The following CFHR3 variants were observed in gnomAD, a reference collection of about 807,000 sequenced individuals.
The protein encoded by CFHR3 is complement factor H related 3.
In CFHR3, 22 loss-of-function variants were observed where a neutral mutation model predicts 36.0. That is an observed-to-expected ratio of 0.61 (90% CI 0.44 to 0.87). The LOEUF (loss-of-function observed/expected upper bound fraction) is 0.87, where lower values mean the gene tolerates loss of function less well. Ranked by LOEUF, CFHR3 falls within the 40% of genes least tolerant of loss-of-function variation. CFHR3 has a pLI of 0.00. For missense variants in CFHR3, 276 were observed against 401.3 expected (o/e 0.69, Z 2.67); for synonymous variants, 97 against 137.4 (o/e 0.71, Z 2.06).
chr1:196,779,858 A>G lies in CFHR3; in HGVS notation c.315A>G (p.Val105=), dbSNP rs748890981. The change falls in exon 3 of 6, where the codon GTA becomes GTG. Residue 105 remains valine (V), a synonymous_variant. Transcript: ENST00000367425. The part of the protein sequence containing the change: ...GYNQNYGRKF[V]QGNSTEVACH... ...ATCAAAATTATGGAAGAAAGTTTGT[A>G]CAGGGTAACTCTACAGAAGTTGCCT... is the stretch of plus-strand genomic sequence containing the variant. 6.5e-7 allele frequency: 1 copy of G among 1,533,206 alleles called. No homozygotes were observed. The highest frequency in any genetic ancestry group is 1.2e-5 in the South Asian group (1 of 80,574). 95.0% of individuals were successfully genotyped at this position (1,533,206 alleles called of 1,614,324 possible).
Position 196,795,061 on chromosome 1 carries a change from C to T in CFHR3, c.*1548C>T, listed in dbSNP as rs1286582919. The T allele has an allele frequency of 7.3e-6, 1 of 136,524 alleles. No homozygotes were observed. The highest frequency in any genetic ancestry group is 1.5e-5 in the Non-Finnish European group (1 of 64,588). 8.5% of individuals were successfully genotyped at this position (136,524 alleles called of 1,614,324 possible). Reference sequence around the variant, plus strand: ...TTATTAATTCCAGTGACTAATTCTACTTCATCAACATACATCATAAATAAA... The same window carrying T: ...TTATTAATTCCAGTGACTAATTCTATTTCATCAACATACATCATAAATAAA... On this transcript the variant is annotated 3_prime_UTR_variant, in exon 6 of 6. Transcript: ENST00000367425.
At chr1:196,782,040 C>A (rs1437228703) in intron 3 of CFHR3, among the ~76,000 whole-genome samples, 1 of 137,326 alleles carries the variant, frequency 7.3e-6, no homozygotes, top group Non-Finnish European at 1.5e-5. Context: ...GTTTTCCCAG[C>A]AACATTTATT....
intron 1 of CFHR3, among the ~76,000 whole-genome samples, chr1:196,775,266 T>A (rs1653664987): frequency 7.3e-6 from 1 of 137,142 alleles, no homozygotes; most frequent in Non-Finnish European, 1.6e-5. Flanking sequence ...GATTCTAAGC[T>A]TAAAATGTTC....
rs563232569 is a variant in CFHR3, at chr1:196,784,013, C to T, written c.430+4040C>T. Among the ~76,000 whole-genome samples the T allele has an allele frequency of 3.7e-3, 505 of 136,182 alleles. 84 individuals carry two copies. The highest frequency in any genetic ancestry group is 6.0e-3 in the Non-Finnish European group (388 of 64,344). The allele number at this position is 136,182 out of a possible 152,430, so 89.3% of individuals were successfully genotyped here. A position where few individuals can be genotyped will look rare whatever the true frequency, so the allele number is the denominator to read the frequency against. ...TTCTGGTATGTTGTGTCTTTGTTCTCGTTGGTTTCAAAGAACATCTTTATT... is the reference window on the plus strand; with the variant it reads ...TTCTGGTATGTTGTGTCTTTGTTCTTGTTGGTTTCAAAGAACATCTTTATT... On this transcript the variant is annotated intron_variant, in intron 3 of 5. Transcript: ENST00000367425.
chr1:196,780,926 T>C (rs1242822928), intron 3 of CFHR3, among the ~76,000 whole-genome samples: 1 of 127,276 alleles, frequency 7.9e-6, no homozygotes, highest in Non-Finnish European at 1.6e-5. Context: ...GCATTAGGTA[T>C]ATCTCCTAAT....
At position 196,779,667 on chromosome 1, in the gene CFHR3, C is replaced by T; in HGVS notation, c.254-130C>T. Reference sequence around the variant, plus strand: ...CCTTTGTTAGTAATTTTGGTTCATACTAAGTTGTACATTATTTTTGGATGT... The same window carrying T: ...CCTTTGTTAGTAATTTTGGTTCATATTAAGTTGTACATTATTTTTGGATGT... On this transcript the variant is annotated intron_variant, in intron 2 of 5. Transcript: ENST00000367425. 3 of 1,224,140 alleles carry T rather than the reference C, an allele frequency of 2.5e-6. 1 individual carries two copies. Among genetic ancestry groups the T allele is most frequent in the South Asian group, 3.6e-5 (2 of 55,046 alleles). 75.8% of individuals were successfully genotyped at this position (1,224,140 alleles called of 1,614,324 possible).
In CFHR3 at chr1:196,788,315, C is replaced by G; in HGVS notation, c.530C>G (p.Pro177Arg). The G allele has an allele frequency of 1.3e-6, 2 of 1,523,446 alleles. No homozygotes were observed. Among genetic ancestry groups the G allele is most frequent in the Non-Finnish European group, 1.8e-6 (2 of 1,129,558 alleles). 94.4% of individuals were successfully genotyped at this position (1,523,446 alleles called of 1,614,324 possible). A position where few individuals can be genotyped will look rare whatever the true frequency, so the allele number is the denominator to read the frequency against. ...AAAGAAATACAATATAAATGTAAAC[C>G]AGGATATGCAACAGCAGATGGAAAT... ...LNKEIQYKCK[P>R]GYATADGNSS... The change falls in exon 4 of 6, where the codon CCA becomes CGA. Residue 177 changes from proline (P) to arginine (R), a missense_variant. Coordinates refer to ENST00000367425, the MANE Select transcript of CFHR3 (RefSeq NM_021023.6).
intron 5 of CFHR3, among the ~76,000 whole-genome samples, chr1:196,791,612 T>C (rs1173906787): frequency 1.5e-5 from 2 of 129,556 alleles, no homozygotes; most frequent in Non-Finnish European, 3.2e-5. Context: ...TTTTGGCTGA[T>C]CTTACAATGG....
chr1:196,791,005 A>G (rs1435105302), intron 5 of CFHR3, among the ~76,000 whole-genome samples: 1 of 136,668 alleles, frequency 7.3e-6, no homozygotes, highest in Non-Finnish European at 1.6e-5. Flanking sequence ...AAAAAACCAC[A>G]AACTATTAAA....
rs1653884879 is a variant in CFHR3 at position 196,780,049 on chromosome 1, A to G, written c.430+76A>G. 2.0e-6 allele frequency: 3 copies of G among 1,491,366 alleles called. 1 individual carries two copies. Among genetic ancestry groups the G allele is most frequent in the Non-Finnish European group, 9.1e-7 (1 of 1,100,558 alleles). The allele number at this position is 1,491,366 out of a possible 1,614,324, so 92.4% of individuals were successfully genotyped here. A position where few individuals can be genotyped will look rare whatever the true frequency, so the allele number is the denominator to read the frequency against. On this transcript the variant is annotated intron_variant, in intron 3 of 5. Coordinates refer to ENST00000367425, the MANE Select transcript of CFHR3 (RefSeq NM_021023.6). ...ACGGACGACAGTCTCAGACTTGTCT[A>G]TATTAACTGTGGCAAAATGTTTTTG...
intron 3 of CFHR3, among the ~76,000 whole-genome samples, chr1:196,780,739 G>A (rs1312576609): frequency 7.4e-6 from 1 of 135,444 alleles, no homozygotes; most frequent in Non-Finnish European, 1.6e-5. Flanking sequence ...TGAACAAGTT[G>A]CTCATTTTAC....
intron 3 of CFHR3, among the ~76,000 whole-genome samples, chr1:196,785,170 T>A (rs1181757639): frequency 1.5e-5 from 2 of 137,262 alleles, no homozygotes; most frequent in Admixed American, 7.0e-5. Flanking sequence ...TGCTGAGAGA[T>A]CTGCTATTAG....
chr1:196,786,866 T>C lies in CFHR3; in HGVS notation c.431-1350T>C, dbSNP rs146995249. Among the ~76,000 whole-genome samples, 8 of 137,196 alleles carry C rather than the reference T, an allele frequency of 5.8e-5. 1 individual carries two copies. The highest frequency in any genetic ancestry group is 1.2e-4 in the Non-Finnish European group (8 of 64,644). 90.0% of individuals were successfully genotyped at this position (137,196 alleles called of 152,430 possible). A position where few individuals can be genotyped will look rare whatever the true frequency, so the allele number is the denominator to read the frequency against. ...AGTGAGATGAACCCAGAACCTCAGATGGAAATGCAGAAATCACCCGTCTTC... is the reference window on the plus strand; with the variant it reads ...AGTGAGATGAACCCAGAACCTCAGACGGAAATGCAGAAATCACCCGTCTTC... On this transcript the variant is annotated intron_variant, in intron 3 of 5. Transcript: ENST00000367425.
chr1:196,784,273 T>C (rs904573633), intron 3 of CFHR3, among the ~76,000 whole-genome samples: 1 of 136,764 alleles, frequency 7.3e-6, no homozygotes, highest in African/African-American at 3.1e-5. Context: ...AAAAAATGTA[T>C]ATTCTGTCGA....
rs112705031 is a variant in CFHR3, at chr1:196,775,422, G to A, written c.58+478G>A. 9.9e-3 allele frequency among the ~76,000 whole-genome samples: 1,352 copies of A among 136,174 alleles called. 348 individuals carry two copies. Among genetic ancestry groups the A allele is most frequent in the African/African-American group, 0.039 (1,275 of 32,732 alleles). The allele number at this position is 136,174 out of a possible 152,430, so 89.3% of individuals were successfully genotyped here. On this transcript the variant is annotated intron_variant, in intron 1 of 5. Transcript: ENST00000367425. ...TGCAGTTTCTTATATTTCTATTATAGCTTAAGAAAGCTGCTAAAACTAATT... is the reference window on the plus strand; with the variant it reads ...TGCAGTTTCTTATATTTCTATTATAACTTAAGAAAGCTGCTAAAACTAATT...
In CFHR3 at chr1:196,774,864, G is replaced by C. The variant is rs747159558; in HGVS notation, c.-23G>C. On this transcript the variant is annotated 5_prime_UTR_variant, in exon 1 of 6. Transcript: ENST00000367425. ...CAGTGCAACTGAAACTTTTGTATTAGCATACTACTGAGAATATCTAACATG... is the reference window on the plus strand; with the variant it reads ...CAGTGCAACTGAAACTTTTGTATTACCATACTACTGAGAATATCTAACATG... The C allele has an allele frequency of 5.3e-6, 8 of 1,505,494 alleles. 2 individuals are homozygous for C. Among genetic ancestry groups the C allele is most frequent in the South Asian group, 1.3e-5 (1 of 79,910 alleles). The allele number at this position is 1,505,494 out of a possible 1,614,324, so 93.3% of individuals were successfully genotyped here. A position where few individuals can be genotyped will look rare whatever the true frequency, so the allele number is the denominator to read the frequency against.
At chr1:196,779,402 A>C in intron 2 of CFHR3, 46 bp downstream of exon 2, 1 of 1,298,378 alleles carries the variant, frequency 7.7e-7, no homozygotes, top group Non-Finnish European at 1.1e-6. Context: ...ACTTTAAAAG[A>C]TTAAAGAGAG....
In CFHR3 at chr1:196,793,322, T is replaced by C; in HGVS notation, c.802T>C (p.Cys268Arg). The change falls in exon 6 of 6, where the codon TGT becomes CGT. Residue 268 changes from cysteine (C) to arginine (R), a missense_variant. Coordinates refer to ENST00000367425, the MANE Select transcript of CFHR3 (RefSeq NM_021023.6). ...TTGTTTTTTTCTGCTTTCAGATCCATGTATAATAACTGAAGAAAACATGAA... is the reference window on the plus strand; with the variant it reads ...TTGTTTTTTTCTGCTTTCAGATCCACGTATAATAACTGAAGAAAACATGAA... ...WSEPPRCIHP[C>R]IITEENMNKN... 1 of 1,510,056 alleles carries C rather than the reference T, an allele frequency of 6.6e-7. No homozygotes were observed. The allele number at this position is 1,510,056 out of a possible 1,614,324, so 93.5% of individuals were successfully genotyped here.
Position 196,792,741 on chromosome 1 carries a change from TAGAG to T in CFHR3, c.797-568_797-565del, listed in dbSNP as rs796109133. Among the ~76,000 whole-genome samples, 41 of 131,800 alleles carry T rather than the reference TAGAG, an allele frequency of 3.1e-4. 8 individuals are homozygous for T. The highest frequency in any genetic ancestry group is 1.2e-3 in the African/African-American group (37 of 30,478). The allele number at this position is 131,800 out of a possible 152,430, so 86.5% of individuals were successfully genotyped here. On this transcript the variant is annotated intron_variant, in intron 5 of 5. Coordinates refer to ENST00000367425, the MANE Select transcript of CFHR3 (RefSeq NM_021023.6). ...AGATGACAGGGATAGATGATGTTGA[TAGAG>T]AGAGAGATAACTGATAGATATTGAG... is the stretch of plus-strand genomic sequence containing the variant.
Sources: allele counts gnomAD v4.1 joint callset (sites outside exome capture counted in the v4.1 genomes callset), GRCh38; gene constraint gnomAD v4.1.1; transcripts MANE v1.5; gene names NCBI Gene and HGNC (gene_info 2026-07-23, HGNC 2026-07-21).